The following ELN variants were observed in gnomAD, a reference collection of about 807,000 sequenced individuals.
ELN encodes the protein elastin.
A neutral mutation model predicts 105.8 loss-of-function variants in ELN; 65 were observed. The ratio of observed to expected loss-of-function variants is 0.61; its 90% confidence interval spans 0.50 to 0.75. The LOEUF (loss-of-function observed/expected upper bound fraction) is 0.75. ELN is among the 30% of genes least tolerant of loss of function. The pLI is 0.00. For missense variants in ELN, 882 were observed against 969.4 expected, an observed-to-expected ratio of 0.91 and a Z score of 1.20; for synonymous variants, 368 against 389.2, an observed-to-expected ratio of 0.95 and a Z score of 0.64.
At chr7:74,047,090 A>T (rs377642978) in intron 12 of ELN, among the ~76,000 whole-genome samples, 5 of 148,834 alleles carry the variant, frequency 3.4e-5, no homozygotes, top group African/African-American at 1.0e-4. Flanking sequence ...CTCCAAAAAA[A>T]GAAAAAGAAG....
intron 26 of ELN, among the ~76,000 whole-genome samples, 153 bp from the exon 27 acceptor site, chr7:74,063,000 C>G (rs1554685882): frequency 6.6e-6 from 1 of 152,134 alleles, no homozygotes. Flanking sequence ...AACCCCATCT[C>G]AAAATGAAAC....
chr7:74,057,230 TC>T (rs1288775777), intron 21 of ELN, among the ~76,000 whole-genome samples: 4 of 151,274 alleles, frequency 2.6e-5, no homozygotes, highest in Admixed American at 2.6e-4. Context: ...AGAGCAAGAC[TC>T]CAACTCTAAA....
chr7:74,034,828 C>T (rs1283731165), intron 1 of ELN, among the ~76,000 whole-genome samples: 5 of 152,078 alleles, frequency 3.3e-5, no homozygotes, highest in African/African-American at 4.8e-5. Flanking sequence ...TCTCTGGGAG[C>T]GGTGGCTCAC....
At chr7:74,062,542 C>T (rs545480384) in intron 26 of ELN, among the ~76,000 whole-genome samples, 28 of 151,200 alleles carry the variant, frequency 1.9e-4, no homozygotes, top group African/African-American at 6.3e-4. Flanking sequence ...ATACTATTAC[C>T]GTTGTTTGTT....
At chr7:74,062,456 C>T (rs776049920) in intron 26 of ELN, among the ~76,000 whole-genome samples, 7 of 152,236 alleles carry the variant, frequency 4.6e-5, no homozygotes, top group Non-Finnish European at 7.3e-5. Context: ...ACAATAGTGC[C>T]TACCTTTCCT....
intron 32 of ELN, among the ~76,000 whole-genome samples, chr7:74,067,431 C>A (rs1225623546): frequency 6.6e-6 from 1 of 151,500 alleles, no homozygotes; most frequent in Non-Finnish European, 1.5e-5. Context: ...CTACGCCCAG[C>A]TAATTTTTGT....
At chr7:74,067,595 G>A (rs541925374) in intron 32 of ELN, among the ~76,000 whole-genome samples, 8 of 151,846 alleles carry the variant, frequency 5.3e-5, no homozygotes, top group East Asian at 2.0e-4. Flanking sequence ...AAAATTAGCC[G>A]GGCATGGTGG....
At chr7:74,061,332 TATGGTTAAACCCC>T (rs1347406796) in intron 26 of ELN, among the ~76,000 whole-genome samples, 193 bp downstream of exon 26, 1 of 151,776 alleles carries the variant, frequency 6.6e-6, no homozygotes, top group Admixed American at 6.6e-5. Flanking sequence ...GCCTGAACAA[TATGGTTAAACCCC>T]ATCTCTACTA....
At chr7:74,046,467 C>T (rs577068983) in intron 11 of ELN, among the ~76,000 whole-genome samples, 1 of 152,266 alleles carries the variant, frequency 6.6e-6, no homozygotes, top group South Asian at 2.1e-4. Flanking sequence ...CAGGCCCAAA[C>T]TGGGGCCCAG....
intron 5 of ELN, 36 bp downstream of exon 5, chr7:74,041,287 G>C: frequency 1.9e-6 from 3 of 1,613,520 alleles, no homozygotes; most frequent in Non-Finnish European, 2.5e-6. Context: ...ATCCCCTGTG[G>C]GGACCAGCCC....
intron 17 of ELN, chr7:74,052,951 C>A: frequency 1.6e-6 from 1 of 618,128 alleles, no homozygotes. Flanking sequence ...AGATCACATT[C>A]CTCCAGCTCA....
Position 74,036,635 on chromosome 7 carries a change from C to T in ELN, c.163+51C>T, listed in dbSNP as rs55820319. On this transcript the variant is annotated intron_variant, in intron 3 of 32. Coordinates refer to ENST00000252034, the MANE Select transcript of ELN (RefSeq NM_000501.4). ...ATCACTGAAAGGGCCTGGGTTTCAC[C>T]CGAGCCACATGCATCCTCAGACCTG... is the stretch of plus-strand genomic sequence containing the variant. The T allele has an allele frequency of 2.0e-4, 319 of 1,613,638 alleles. No individual in the cohort carries two copies. The African/African-American group carries it at 4.0e-3, about 20-fold the overall frequency.
At position 74,068,982 on chromosome 7, in the gene ELN, A is replaced by T. The variant is rs1386856809; in HGVS notation, c.*282A>T. On this transcript the variant is annotated 3_prime_UTR_variant, in exon 33 of 33. Coordinates refer to ENST00000252034, the MANE Select transcript of ELN (RefSeq NM_000501.4). ...GGAGCTCCCCCTCCACACAGCCTCCATCTCCAGGGGAACTTGGTGCTACAC... is the reference window on the plus strand; with the variant it reads ...GGAGCTCCCCCTCCACACAGCCTCCTTCTCCAGGGGAACTTGGTGCTACAC... The T allele has an allele frequency of 1.9e-6, 1 of 518,376 alleles. No homozygotes were observed. Among genetic ancestry groups the T allele is most frequent in the Non-Finnish European group, 3.5e-6 (1 of 284,202 alleles). 32.1% of individuals were successfully genotyped at this position (518,376 alleles called of 1,614,324 possible). A position where few individuals can be genotyped will look rare whatever the true frequency, so the allele number is the denominator to read the frequency against.
intron 22 of ELN, 185 bp from the exon 23 acceptor site, chr7:74,059,701 G>A (rs1410571196): frequency 1.5e-6 from 1 of 686,692 alleles, no homozygotes; most frequent in Non-Finnish European, 2.6e-6. Flanking sequence ...ACAAAGTTAT[G>A]AACTCCTGAG....
Position 74,063,814 on chromosome 7 carries a change from T to C in ELN, c.1993+119T>C. On this transcript the variant is annotated intron_variant, in intron 29 of 32. Coordinates refer to ENST00000252034, the MANE Select transcript of ELN (RefSeq NM_000501.4). The surrounding 1 kb of genome is among the most constrained non-coding windows in gnomAD (Gnocchi z 4.1). ...CCCTGGCACGTCTTTGCTCAAGATG[T>C]CCTCTTGGCCAGGTGCGGTGGCTCA... The C allele has an allele frequency of 2.1e-6, 3 of 1,416,354 alleles. No individual in the cohort carries two copies. Among genetic ancestry groups the C allele is most frequent in the Non-Finnish European group, 3.0e-6 (3 of 1,012,972 alleles). 87.7% of individuals were successfully genotyped at this position (1,416,354 alleles called of 1,614,324 possible). A position where few individuals can be genotyped will look rare whatever the true frequency, so the allele number is the denominator to read the frequency against.
intron 29 of ELN, among the ~76,000 whole-genome samples, chr7:74,064,104 T>C (rs1374020713): frequency 1.5e-5 from 2 of 129,554 alleles, no homozygotes; most frequent in Admixed American, 8.1e-5. Flanking sequence ...CCCTGTCATC[T>C]AAAAAAAAAA....
At chr7:74,065,909 G>A (rs1554688827) in intron 30 of ELN, 35 bp from the exon 31 acceptor site, 2 of 1,614,090 alleles carry the variant, frequency 1.2e-6, no homozygotes, top group Middle Eastern at 1.6e-4. Context: ...TCCCGATGGG[G>A]GTGTCTTATC....
chr7:74,035,183 A>G (rs1789610974), intron 1 of ELN, among the ~76,000 whole-genome samples, 181 bp from the exon 2 acceptor site: 1 of 152,348 alleles, frequency 6.6e-6, no homozygotes, highest in Non-Finnish European at 1.5e-5. Flanking sequence ...GAATGAGAAC[A>G]CACTTTGTAA....
Position 74,060,351 on chromosome 7 carries a change from C to T in ELN, c.1622-25C>T, listed in dbSNP as rs113305844. 2.0e-5 allele frequency: 33 copies of T among 1,614,120 alleles called. 1 individual carries two copies. Among genetic ancestry groups the T allele is most frequent in the African/African-American group, 1.3e-4 (10 of 75,060 alleles). ...TAGGGGCATGCTCCCTGCCTGCTGT[C>T]GCCACCACTGCCCTCTGTCTGCAGG... On this transcript the variant is annotated intron_variant, in intron 24 of 32. Transcript: ENST00000252034.
Sources: allele counts gnomAD v4.1 joint callset (sites outside exome capture counted in the v4.1 genomes callset), GRCh38; gene constraint gnomAD v4.1.1; non-coding constraint Gnocchi (gnomAD v3.1); transcripts MANE v1.5; gene names NCBI Gene and HGNC (gene_info 2026-07-23, HGNC 2026-07-21).